Variants in EXOC4 observed in about 807,000 individuals in gnomAD.
EXOC4 encodes the protein exocyst complex component 4.
EXOC4 carries 71 observed loss-of-function variants against 107.2 expected under a neutral mutation model. That is an observed-to-expected ratio of 0.66 (90% CI 0.55 to 0.81). EXOC4 has a LOEUF of 0.81. Ranked by LOEUF, EXOC4 falls within the 30% of genes least tolerant of loss-of-function variation. EXOC4 has a pLI of 0.00. For synonymous variants in EXOC4, 456 were observed against 441.2 expected (o/e 1.03, Z -0.42); for missense variants, 1,108 against 1,189.6 (o/e 0.93, Z 1.01).
At chr7:133,672,876 T>C (rs1793978638) in intron 10 of EXOC4, among the ~76,000 whole-genome samples, 2 of 152,232 alleles carry the variant, frequency 1.3e-5, no homozygotes, top group Admixed American at 1.3e-4. Flanking sequence ...CAAATAGTTA[T>C]TGCTTTATAA....
At chr7:133,465,527 C>T (rs1349609140) in intron 7 of EXOC4, among the ~76,000 whole-genome samples, 1 of 152,100 alleles carries the variant, frequency 6.6e-6, no homozygotes, top group Admixed American at 6.5e-5. Context: ...ACTTGAGCAA[C>T]ACTATTAACC....
At chr7:133,411,077 A>G (rs1260147953) in intron 7 of EXOC4, among the ~76,000 whole-genome samples, 2 of 152,280 alleles carry the variant, frequency 1.3e-5, no homozygotes, top group East Asian at 3.9e-4. Context: ...GAGTCTCTTA[A>G]GAGGCTATAG....
chr7:133,698,487 T>A (rs1794586636), intron 10 of EXOC4, among the ~76,000 whole-genome samples: 1 of 150,080 alleles, frequency 6.7e-6, no homozygotes, highest in African/African-American at 2.5e-5. Context: ...GAGGCTGAGG[T>A]GGGAGATGCA....
At chr7:133,279,490 T>C (rs1794080674) in intron 2 of EXOC4, among the ~76,000 whole-genome samples, 1 of 152,198 alleles carries the variant, frequency 6.6e-6, no homozygotes, top group Non-Finnish European at 1.5e-5. Context: ...TTGTGCATTG[T>C]CACCTTTTAA....
intron 8 of EXOC4, among the ~76,000 whole-genome samples, chr7:133,477,088 T>A (rs1584947363): frequency 6.6e-6 from 1 of 152,232 alleles, no homozygotes; most frequent in Non-Finnish European, 1.5e-5. Flanking sequence ...ATTCCCCGCT[T>A]CTCTGCATTT....
intron 11 of EXOC4, among the ~76,000 whole-genome samples, chr7:133,826,898 A>G (rs1797717257): frequency 6.6e-6 from 1 of 152,174 alleles, no homozygotes; most frequent in African/African-American, 2.4e-5. Flanking sequence ...TAACATTAAC[A>G]TTCTTCTATA....
the EXOC4 span, among the ~76,000 whole-genome samples, chr7:134,098,491 GA>G: frequency 1.3e-5 from 2 of 152,078 alleles, no homozygotes; most frequent in Non-Finnish European, 2.9e-5. Flanking sequence ...AGCAGGCTGT[GA>G]AAAGAAAGCT....
At chr7:133,737,919 T>TTTC (rs1181287812) in intron 10 of EXOC4, among the ~76,000 whole-genome samples, 31 of 138,672 alleles carry the variant, frequency 2.2e-4, no homozygotes, top group African/African-American at 8.1e-4. Context: ...CTTTTTTTTT[T>TTTC]TTTTTTTTTT....
rs557891663 is a variant in EXOC4, at chr7:133,536,097, C to T, written c.1417+55959C>T. 1.5e-4 allele frequency among the ~76,000 whole-genome samples: 23 copies of T among 152,062 alleles called. No individual in the cohort carries two copies. The South Asian group carries it at 2.7e-3, about 18-fold the overall frequency. ...GACCTGAATTTGGATTCTTGCTGCTCCACTTACTAGCTTTATTGAGTTACT... is the reference window on the plus strand; with the variant it reads ...GACCTGAATTTGGATTCTTGCTGCTTCACTTACTAGCTTTATTGAGTTACT... On this transcript the variant is annotated intron_variant, in intron 9 of 17. Coordinates refer to ENST00000253861, the MANE Select transcript of EXOC4 (RefSeq NM_021807.4).
At chr7:133,315,332 A>G (rs976584162) in intron 4 of EXOC4, 1 of 152,322 alleles carries the variant, frequency 6.6e-6, no homozygotes, top group Non-Finnish European at 1.5e-5. Flanking sequence ...GCAAGGTCTA[A>G]TAAGAACCAG....
intron 7 of EXOC4, among the ~76,000 whole-genome samples, chr7:133,441,784 G>T (rs1399121236): frequency 6.6e-6 from 1 of 152,202 alleles, no homozygotes; most frequent in Non-Finnish European, 1.5e-5. Flanking sequence ...AAATGATACA[G>T]TGGGGCTAAT....
intron 14 of EXOC4, among the ~76,000 whole-genome samples, chr7:133,986,687 T>C (rs1794121769): frequency 6.6e-6 from 1 of 152,254 alleles, no homozygotes; most frequent in Non-Finnish European, 1.5e-5. Flanking sequence ...ATGTATTTAG[T>C]GCCTACAGTG....
chr7:133,323,555 T>A (rs1795164939), intron 5 of EXOC4, among the ~76,000 whole-genome samples: 1 of 152,226 alleles, frequency 6.6e-6, no homozygotes, highest in Non-Finnish European at 1.5e-5. Context: ...ATCCCAGGGA[T>A]GAAGCCCACT....
intron 9 of EXOC4, among the ~76,000 whole-genome samples, chr7:133,566,530 A>G (rs1800909237): frequency 6.6e-6 from 1 of 152,214 alleles, no homozygotes; most frequent in Non-Finnish European, 1.5e-5. Flanking sequence ...GACATTGTTA[A>G]CAAATCCTCT....
At chr7:133,981,926 A>C (rs1353043210) in intron 14 of EXOC4, among the ~76,000 whole-genome samples, 3 of 152,228 alleles carry the variant, frequency 2.0e-5, no homozygotes, top group Non-Finnish European at 4.4e-5. Flanking sequence ...TGCAGCCATA[A>C]AGAAGAACAA....
chr7:133,461,882 A>G (rs1273963616), intron 7 of EXOC4, among the ~76,000 whole-genome samples: 1 of 152,196 alleles, frequency 6.6e-6, no homozygotes, highest in Admixed American at 6.5e-5. Context: ...CAGGCGGCAG[A>G]GAAGGCAAAT....
At chr7:133,593,981 G>T (rs1014894793) in intron 9 of EXOC4, among the ~76,000 whole-genome samples, 1 of 152,136 alleles carries the variant, frequency 6.6e-6, no homozygotes, top group Admixed American at 6.5e-5. Flanking sequence ...CCTGTGCCTA[G>T]CTGTAGATTA....
At chr7:133,664,341 A>G (rs1234474187) in intron 10 of EXOC4, among the ~76,000 whole-genome samples, 1 of 152,176 alleles carries the variant, frequency 6.6e-6, no homozygotes, top group African/African-American at 2.4e-5. Flanking sequence ...GACATACAGT[A>G]GGCCCTCAAT....
chr7:133,759,425 T>C (rs1289719928), intron 10 of EXOC4, among the ~76,000 whole-genome samples: 3 of 152,226 alleles, frequency 2.0e-5, no homozygotes, highest in African/African-American at 4.8e-5. Flanking sequence ...AAATAGTACA[T>C]AGCTGCACTG....
Sources: allele counts gnomAD v4.1 joint callset (sites outside exome capture counted in the v4.1 genomes callset), GRCh38; gene constraint gnomAD v4.1.1; transcripts MANE v1.5; gene names NCBI Gene and HGNC (gene_info 2026-07-23, HGNC 2026-07-21).